PCDHA4: variants seen among roughly 807,000 people sequenced by gnomAD.
PCDHA4 encodes the protein protocadherin alpha 4.
Under a neutral mutation model 61.4 loss-of-function variants are expected in PCDHA4, and 49 were observed. The observed-to-expected ratio is 0.80, with a 90% confidence interval of 0.63 to 1.01. PCDHA4 has a LOEUF of 1.01. Ranked by LOEUF, PCDHA4 falls within the 50% of genes least tolerant of loss-of-function variation. PCDHA4 has a pLI of 0.00. For synonymous variants in PCDHA4, 590 were observed against 550.3 expected, an observed-to-expected ratio of 1.07 and a Z score of -1.01; for missense variants, 1,254 against 1,235.8, an observed-to-expected ratio of 1.01 and a Z score of -0.22.
At chr5:140,819,551 T>C (rs1454917586) in intron 1 of PCDHA4, among the ~76,000 whole-genome samples, 1 of 152,140 alleles carries the variant, frequency 6.6e-6, no homozygotes, top group Non-Finnish European at 1.5e-5. Context: ...TAACATTTGA[T>C]TGAAGAAAAT....
intron 1 of PCDHA4, chr5:140,927,810 G>A: frequency 2.5e-6 from 4 of 1,614,200 alleles, no homozygotes; most frequent in Non-Finnish European, 3.4e-6. Flanking sequence ...AAACGCTCTT[G>A]GAGGCATACA....
rs2150351711 is a variant in PCDHA4 at position 140,843,069 on chromosome 5, G to C, written c.2385+33497G>C. On this transcript the variant is annotated intron_variant, in intron 1 of 3. Coordinates refer to ENST00000530339, the MANE Select transcript of PCDHA4 (RefSeq NM_018907.4). ...GGCGCAGCGAGCAAGCTGGTGCCGC[G>C]GTCTGTGGGCGCGGGCCACGTGGTA... The C allele has an allele frequency of 1.6e-5, 26 of 1,595,200 alleles. 3 individuals carry two copies. Among genetic ancestry groups the C allele is most frequent in the Non-Finnish European group, 2.2e-5 (26 of 1,165,304 alleles).
In PCDHA4 at chr5:140,808,939, G is replaced by C. The variant is rs1168359860; in HGVS notation, c.1752G>C (p.Ser584=). The part of the protein sequence containing the change: ...GGAVSELVPW[S]VGVGHVVAKV... The stretch of plus-strand genomic sequence containing the variant: ...CAGTGAGCGAGCTGGTGCCATGGTC[G>C]GTGGGTGTGGGCCACGTGGTGGCAA... Residue 584 remains serine (S), a synonymous_variant, in exon 1 of 4, where the codon TCG becomes TCC. Coordinates refer to ENST00000530339, the MANE Select transcript of PCDHA4 (RefSeq NM_018907.4). 8 of 1,613,726 alleles carry C rather than the reference G, an allele frequency of 5.0e-6. 1 individual carries two copies. In the South Asian group the frequency reaches 5.5e-5, roughly 11 times the overall value.
At chr5:140,882,989 G>C (rs567590369) in intron 1 of PCDHA4, 2 of 1,614,130 alleles carry the variant, frequency 1.2e-6, no homozygotes, top group Non-Finnish European at 8.5e-7. Context: ...CAACGCCCCG[G>C]AATTTTACCA....
At chr5:140,956,057 T>C (rs2095252530) in intron 1 of PCDHA4, among the ~76,000 whole-genome samples, 1 of 152,308 alleles carries the variant, frequency 6.6e-6, no homozygotes, top group South Asian at 2.1e-4. Flanking sequence ...GCTGAGACAA[T>C]GGGGTTTTCC....
intron 1 of PCDHA4, chr5:140,876,905 C>T (rs782526620): frequency 2.5e-6 from 4 of 1,614,032 alleles, no homozygotes; most frequent in Non-Finnish European, 3.4e-6. Context: ...TTCACGGTGT[C>T]GGCATGGGAC....
chr5:140,846,375 T>C (rs1343413352), intron 1 of PCDHA4, among the ~76,000 whole-genome samples: 4 of 125,488 alleles, frequency 3.2e-5, no homozygotes, highest in African/African-American at 1.0e-4. Context: ...CTTTCTTTCT[T>C]TTTTTTTTTT....
chr5:140,899,056 G>A (rs1370417194), intron 1 of PCDHA4, among the ~76,000 whole-genome samples: 1 of 152,062 alleles, frequency 6.6e-6, no homozygotes, highest in Non-Finnish European at 1.5e-5. Context: ...CTGAGACTTT[G>A]CTGAAGTTGC....
At chr5:140,823,030 G>A (rs1767524981) in intron 1 of PCDHA4, 1 of 1,614,220 alleles carries the variant, frequency 6.2e-7, no homozygotes, top group Non-Finnish European at 8.5e-7. Context: ...GAGCGTGTCG[G>A]TCTATGAGCT....
chr5:140,877,606 G>A, intron 1 of PCDHA4: 1 of 1,613,888 alleles, frequency 6.2e-7, no homozygotes, highest in Non-Finnish European at 8.5e-7. Flanking sequence ...CAGCCTGCTG[G>A]TGCTCACGCT....
intron 1 of PCDHA4, chr5:140,929,002 T>C (rs1584608620): frequency 6.2e-7 from 1 of 1,614,048 alleles, no homozygotes; most frequent in Non-Finnish European, 8.5e-7. Flanking sequence ...TTTCTTCGTG[T>C]GTACCAAGTT....
At chr5:140,943,234 G>A (rs1161111493) in intron 1 of PCDHA4, among the ~76,000 whole-genome samples, 3 of 145,508 alleles carry the variant, frequency 2.1e-5, no homozygotes, top group Non-Finnish European at 4.5e-5. Context: ...CTCCAGCCTG[G>A]GTCACAGAGT....
Position 140,807,246 on chromosome 5 carries a change from T to G in PCDHA4, c.59T>G (p.Leu20Arg), listed in dbSNP as rs1554123817. ...ESRRLLLLLL[L>R]LAAWEAGNGQ... ...CGGCGTCTGCTGCTCTTACTTCTTC[T>G]CCTCGCAGCCTGGGAGGCAGGGAAC... is the stretch of plus-strand genomic sequence containing the variant. The change falls in exon 1 of 4, where the codon CTC (leucine) becomes CGC (arginine). Residue 20 changes from leucine (L) to arginine (R), a missense_variant. Leu to Arg is a moderately radical substitution (Grantham distance 102, BLOSUM62 -2). Transcript: ENST00000530339. The G allele has an allele frequency of 3.1e-6, 5 of 1,614,008 alleles. No individual in the cohort carries two copies. Among genetic ancestry groups the G allele is most frequent in the Non-Finnish European group, 4.2e-6 (5 of 1,179,884 alleles).
In PCDHA4 at chr5:141,011,722, G is replaced by T. The variant is rs1229946779; in HGVS notation, c.*1785G>T. On this transcript the variant is annotated 3_prime_UTR_variant, in exon 4 of 4. Transcript: ENST00000530339. Reference sequence around the variant, plus strand: ...TGAATACTGACAATATTCCATGAGGGTGTGCAAGCACAAATTTTACCAATC... The same window carrying T: ...TGAATACTGACAATATTCCATGAGGTTGTGCAAGCACAAATTTTACCAATC... The T allele has an allele frequency of 6.5e-6, 1 of 153,690 alleles. No homozygotes were observed. The highest frequency in any genetic ancestry group is 1.5e-5 in the Non-Finnish European group (1 of 68,018). 9.5% of individuals were successfully genotyped at this position (153,690 alleles called of 1,614,324 possible).
chr5:140,875,865 G>C (rs782211791), intron 1 of PCDHA4: 6 of 1,614,160 alleles, frequency 3.7e-6, no homozygotes, highest in Non-Finnish European at 5.1e-6. Context: ...ACAACCCGCC[G>C]GTGTTCAGAG....
chr5:140,856,176 T>C lies in PCDHA4; in HGVS notation c.2385+46604T>C, dbSNP rs782159422. ...TACGAGGAGGCCAGACACGGCACCT[T>C]CGTGGGCCGCATCGCGCAGGACCTG... On this transcript the variant is annotated intron_variant, in intron 1 of 3. Coordinates refer to ENST00000530339, the MANE Select transcript of PCDHA4 (RefSeq NM_018907.4). 5 of 1,598,130 alleles carry C rather than the reference T, an allele frequency of 3.1e-6. No homozygotes were observed. In the South Asian group the frequency reaches 5.5e-5, roughly 18 times the overall value.
chr5:140,815,900 A>G (rs2126667825), intron 1 of PCDHA4: 61 of 152,250 alleles, frequency 4.0e-4, no homozygotes, highest in African/African-American at 1.4e-3. Context: ...TCAGTATAAC[A>G]TCTCACCCCT....
chr5:140,866,441 G>A (rs1313181432), intron 1 of PCDHA4: 1 of 151,728 alleles, frequency 6.6e-6, no homozygotes, highest in African/African-American at 2.4e-5. Flanking sequence ...GTCTTCTTCA[G>A]TCTTATTGTT....
chr5:140,922,176 CAA>C lies in PCDHA4; in HGVS notation c.2386-56765_2386-56764del, dbSNP rs3836750. ...CAAAAACAACAAAAAGTACAGCAGACAAAAAAAAAGTCTTATCTTTAATGAAA... is the reference window on the plus strand; with the variant it reads ...CAAAAACAACAAAAAGTACAGCAGACAAAAAAAGTCTTATCTTTAATGAAA... On this transcript the variant is annotated intron_variant, in intron 1 of 3. Coordinates refer to ENST00000530339, the MANE Select transcript of PCDHA4 (RefSeq NM_018907.4). 2.6e-3 allele frequency among the ~76,000 whole-genome samples: 394 copies of C among 150,816 alleles called. 1 individual carries two copies. The highest frequency in any genetic ancestry group is 9.1e-3 in the African/African-American group (376 of 41,132).
Sources: allele counts gnomAD v4.1 joint callset (sites outside exome capture counted in the v4.1 genomes callset), GRCh38; gene constraint gnomAD v4.1.1; transcripts MANE v1.5; gene names NCBI Gene and HGNC (gene_info 2026-07-23, HGNC 2026-07-21).